The following MATN2 variants were observed in gnomAD, a reference collection of about 807,000 sequenced individuals.
MATN2 encodes matrilin-2.
In MATN2, 69 loss-of-function variants were observed where a neutral mutation model predicts 103.2. That is an observed-to-expected ratio of 0.67 (90% confidence interval 0.55 to 0.82). MATN2 has a LOEUF of 0.82. MATN2 is among the 40% of genes least tolerant of loss of function. MATN2 has a pLI of 0.00. For synonymous variants in MATN2, 429 were observed against 450.2 expected (o/e 0.95, Z 0.60); for missense variants, 1,023 against 1,211.5 (o/e 0.84, Z 2.31).
At chr8:97,993,171 T>C (rs894463564) in intron 6 of MATN2, among the ~76,000 whole-genome samples, 1 of 152,184 alleles carries the variant, frequency 6.6e-6, no homozygotes, top group Non-Finnish European at 1.5e-5. Flanking sequence ...TTGGGAAAAA[T>C]TGGCATCTCA....
intron 2 of MATN2, among the ~76,000 whole-genome samples, chr8:97,896,079 G>A (rs550190926): frequency 5.9e-5 from 9 of 152,278 alleles, no homozygotes; most frequent in African/African-American, 1.7e-4. Flanking sequence ...TGCTGCAGCC[G>A]GTCACACCTG....
chr8:97,936,816 A>G (rs1810383642), intron 3 of MATN2, among the ~76,000 whole-genome samples: 1 of 152,240 alleles, frequency 6.6e-6, no homozygotes, highest in Non-Finnish European at 1.5e-5. Context: ...AGGGCAAGGC[A>G]TGAGGCCTGG....
At chr8:97,872,256 G>A (rs1817920595) in intron 1 of MATN2, among the ~76,000 whole-genome samples, 1 of 152,196 alleles carries the variant, frequency 6.6e-6, no homozygotes, top group African/African-American at 2.4e-5. Flanking sequence ...AATTGAAATG[G>A]AAAATTTCAC....
At chr8:97,960,614 T>G (rs1811279280) in intron 4 of MATN2, among the ~76,000 whole-genome samples, 1 of 152,212 alleles carries the variant, frequency 6.6e-6, no homozygotes, top group Non-Finnish European at 1.5e-5. Context: ...TCCCTGGCAA[T>G]GTTTGTTACC....
At chr8:97,906,725 A>C (rs188008839) in intron 2 of MATN2, among the ~76,000 whole-genome samples, 73 of 152,330 alleles carry the variant, frequency 4.8e-4, no homozygotes, top group African/African-American at 1.7e-3. Context: ...ATTCAGTTGG[A>C]GTGTTTGGGG....
At chr8:98,029,628 G>C (rs1813935775) in intron 14 of MATN2, among the ~76,000 whole-genome samples, 1 of 152,160 alleles carries the variant, frequency 6.6e-6, no homozygotes, top group East Asian at 1.9e-4. Flanking sequence ...GCTGAACTTG[G>C]TTAGTGACCT....
chr8:98,016,285 A>G (rs1813354289), intron 10 of MATN2, among the ~76,000 whole-genome samples: 1 of 152,108 alleles, frequency 6.6e-6, no homozygotes, highest in Non-Finnish European at 1.5e-5. Flanking sequence ...AGATGGGAGG[A>G]TCACTTGAGC....
intron 2 of MATN2, among the ~76,000 whole-genome samples, chr8:97,926,364 T>A (rs998532628): frequency 1.3e-5 from 2 of 152,150 alleles, no homozygotes; most frequent in Non-Finnish European, 1.5e-5. Flanking sequence ...CCTGGAAACA[T>A]CTCTCAACAG....
intron 15 of MATN2, among the ~76,000 whole-genome samples, chr8:98,031,125 C>G (rs1284665883): frequency 6.6e-6 from 1 of 151,914 alleles, no homozygotes; most frequent in African/African-American, 2.4e-5. Context: ...TTGCTCGAGC[C>G]CAGGAGTTCA....
chr8:97,919,521 G>T (rs952226517), intron 2 of MATN2, among the ~76,000 whole-genome samples: 4 of 152,030 alleles, frequency 2.6e-5, no homozygotes, highest in Non-Finnish European at 5.9e-5. Context: ...CATGAGCCAC[G>T]ATGCCCAGCC....
At chr8:97,904,142 T>G (rs1331864625) in intron 2 of MATN2, among the ~76,000 whole-genome samples, 1 of 152,254 alleles carries the variant, frequency 6.6e-6, no homozygotes, top group Non-Finnish European at 1.5e-5. Context: ...TTAAGTTAGC[T>G]TCATGAAAAT....
intron 2 of MATN2, among the ~76,000 whole-genome samples, chr8:97,895,168 TG>T (rs1452601989): frequency 1.3e-5 from 2 of 152,200 alleles, no homozygotes; most frequent in East Asian, 3.8e-4. Flanking sequence ...CCACCGTGTC[TG>T]GCTCCAACCT....
At chr8:97,993,851 G>A (rs1812475628) in intron 6 of MATN2, among the ~76,000 whole-genome samples, 2 of 152,184 alleles carry the variant, frequency 1.3e-5, no homozygotes, top group South Asian at 4.2e-4. Flanking sequence ...AAAACACTCA[G>A]CTAAACCATT....
chr8:97,966,841 G>A (rs1811498466), intron 5 of MATN2, among the ~76,000 whole-genome samples: 1 of 152,168 alleles, frequency 6.6e-6, no homozygotes. Context: ...TCCCAACTCT[G>A]CTACTTGCTA....
chr8:97,892,028 G>A (rs1818650171), intron 2 of MATN2, among the ~76,000 whole-genome samples: 1 of 152,066 alleles, frequency 6.6e-6, no homozygotes, highest in Non-Finnish European at 1.5e-5. Context: ...CTTGAGGTCA[G>A]GAGTTTGAGA....
Position 97,931,487 on chromosome 8 carries a change from A to G in MATN2, c.677A>G (p.Glu226Gly). 1 of 1,612,754 alleles carries G rather than the reference A, an allele frequency of 6.2e-7. No individual in the cohort carries two copies. Among genetic ancestry groups the G allele is most frequent in the African/African-American group, 1.3e-5 (1 of 75,036 alleles). Reference protein sequence around the residue: ...VFLVANFSQIETLTSVFQKKL... With the variant: ...VFLVANFSQIGTLTSVFQKKL... ...CTTGTGGCCAATTTCAGCCAGATTG[A>G]GACGCTGACCTCCGTGTTCCAGAAG... Residue 226 changes from glutamate (E) to glycine (G), a missense_variant, in exon 3 of 19, where the codon GAG becomes GGG. Glu to Gly is a moderately conservative substitution (Grantham distance 98). Transcript: ENST00000254898. The surrounding 1 kb of genome is among the most constrained non-coding windows in gnomAD (Gnocchi z 4.1).
chr8:97,871,796 G>A (rs1169212011), intron 1 of MATN2, among the ~76,000 whole-genome samples: 1 of 152,240 alleles, frequency 6.6e-6, no homozygotes, highest in African/African-American at 2.4e-5. Context: ...AGGGGGCTCA[G>A]ATGGAATGGC....
intron 2 of MATN2, among the ~76,000 whole-genome samples, chr8:97,905,136 A>G (rs1438824461): frequency 3.3e-5 from 5 of 152,226 alleles, no homozygotes; most frequent in African/African-American, 4.8e-5. Flanking sequence ...ATGTTACTCT[A>G]TACCAAATTT....
intron 2 of MATN2, among the ~76,000 whole-genome samples, chr8:97,903,788 G>A (rs570000386): frequency 6.6e-6 from 1 of 152,160 alleles, no homozygotes; most frequent in Non-Finnish European, 1.5e-5. Flanking sequence ...TGACTAGGAG[G>A]CTCCAAAGAG....
Sources: gnomAD v4.1 joint callset for allele counts (sites outside exome capture counted in the v4.1 genomes callset) on GRCh38, gnomAD v4.1.1 for gene constraint, Gnocchi (gnomAD v3.1) non-coding constraint, MANE v1.5 for transcripts, NCBI Gene and HGNC (gene_info 2026-07-23, HGNC 2026-07-21) for gene names.